Variants in PRKCE observed in about 807,000 individuals in gnomAD.
PRKCE encodes protein kinase C epsilon type.
In PRKCE, 16 loss-of-function variants were observed where a neutral mutation model predicts 85.4. The observed-to-expected ratio is 0.19, with a 90% CI of 0.13 to 0.28. The LOEUF is 0.28. Ranked by LOEUF, PRKCE falls within the 10% of genes least tolerant of loss-of-function variation. PRKCE has a pLI of 1.00. For synonymous variants in PRKCE, 388 were observed against 371.5 expected (o/e 1.04, Z -0.51); for missense variants, 573 against 975.2 (o/e 0.59, Z 5.49).
chr2:45,778,747 C>A lies in PRKCE; in HGVS notation c.349-64253C>A, dbSNP rs373010640. ...TGTATGTTCCCGGCTGATGGCCCTC[C>A]CCTCTATTTGCATAACAGCAGGTAA... On this transcript the variant is annotated intron_variant, in intron 1 of 14. Transcript: ENST00000306156. Among the ~76,000 whole-genome samples the A allele has an allele frequency of 2.4e-4, 37 of 152,298 alleles. No individual in the cohort carries two copies. In the East Asian group the frequency reaches 3.7e-3, roughly 15 times the overall value.
chr2:46,034,642 C>T (rs964644348), intron 10 of PRKCE, among the ~76,000 whole-genome samples: 10 of 152,170 alleles, frequency 6.6e-5, no homozygotes, highest in African/African-American at 1.4e-4. Context: ...GGGAGCACGC[C>T]GAGGCCATGG....
intron 2 of PRKCE, among the ~76,000 whole-genome samples, chr2:45,887,155 G>C (rs1046030655): frequency 6.6e-6 from 1 of 152,164 alleles, no homozygotes; most frequent in East Asian, 1.9e-4. Context: ...TGCTTGATAG[G>C]CAGGGCCTCC....
At chr2:45,762,958 T>C (rs1194096681) in intron 1 of PRKCE, among the ~76,000 whole-genome samples, 6 of 32,030 alleles carry the variant, frequency 1.9e-4, no homozygotes, top group Non-Finnish European at 5.0e-4. Context: ...CTTTTCTTCT[T>C]TTTTTTTTTT....
At chr2:45,851,371 G>A (rs944608983) in intron 2 of PRKCE, among the ~76,000 whole-genome samples, 1 of 152,164 alleles carries the variant, frequency 6.6e-6, no homozygotes, top group Non-Finnish European at 1.5e-5. Context: ...AGAACTGGGG[G>A]CACAGAAGTG....
In PRKCE at chr2:46,184,588, T is replaced by A. The variant is rs530833612; in HGVS notation, c.2068-147T>A. 22 of 1,007,028 alleles carry A rather than the reference T, an allele frequency of 2.2e-5. No individual in the cohort carries two copies. In the African/African-American group the frequency reaches 3.4e-4, roughly 15 times the overall value. The allele number at this position is 1,007,028 out of a possible 1,614,324, so 62.4% of individuals were successfully genotyped here. The stretch of plus-strand genomic sequence containing the variant: ...GGTCCTGGGGCCATCCATCGTTACC[T>A]CATCGGGACAGCCCCGTGTCTGCTG... On this transcript the variant is annotated intron_variant, in intron 14 of 14. Transcript: ENST00000306156. This position sits in a 1 kb window ranked among gnomAD's most constrained non-coding sequence, Gnocchi z 5.0.
chr2:46,091,727 G>T (rs1003829818), intron 11 of PRKCE, among the ~76,000 whole-genome samples: 6 of 152,122 alleles, frequency 3.9e-5, no homozygotes, highest in Non-Finnish European at 8.8e-5. Context: ...AATACCACCT[G>T]CCACAGAGTA....
intron 11 of PRKCE, among the ~76,000 whole-genome samples, chr2:46,086,729 C>T (rs1471609781): frequency 1.3e-5 from 2 of 152,172 alleles, no homozygotes; most frequent in African/African-American, 4.8e-5. Flanking sequence ...CATGAACTTC[C>T]TCCCCTTCCT....
At chr2:45,805,593 C>T (rs2105221146) in intron 1 of PRKCE, among the ~76,000 whole-genome samples, 1 of 137,486 alleles carries the variant, frequency 7.3e-6, no homozygotes, top group South Asian at 2.5e-4. Context: ...ACATTACCTT[C>T]CTCTTTTTTT....
At chr2:45,687,538 G>A (rs928544588) in intron 1 of PRKCE, among the ~76,000 whole-genome samples, 1 of 152,200 alleles carries the variant, frequency 6.6e-6, no homozygotes, top group Admixed American at 6.5e-5. Context: ...ACATACCCAT[G>A]AACTCAGTAA....
At position 45,827,285 on chromosome 2, in the gene PRKCE, G is replaced by A. The variant is rs541089198; in HGVS notation, c.349-15715G>A. On this transcript the variant is annotated intron_variant, in intron 1 of 14. Coordinates refer to ENST00000306156, the MANE Select transcript of PRKCE (RefSeq NM_005400.3). ...GGATCAAAGATGATACAATTCTTAC[G>A]TGTGTTTGACCAAAATATCATATGG... Among the ~76,000 whole-genome samples the A allele has an allele frequency of 1.4e-4, 22 of 152,298 alleles. No homozygotes were observed. In the South Asian group the frequency reaches 1.7e-3, roughly 11 times the overall value.
chr2:46,085,844 C>T (rs1486316370), intron 10 of PRKCE, among the ~76,000 whole-genome samples: 6 of 149,286 alleles, frequency 4.0e-5, no homozygotes, highest in African/African-American at 1.5e-4. Flanking sequence ...ATTGTTCAAC[C>T]TACCACACAT....
chr2:45,888,653 T>A (rs1695482783), intron 2 of PRKCE, among the ~76,000 whole-genome samples: 1 of 152,056 alleles, frequency 6.6e-6, no homozygotes, highest in African/African-American at 2.4e-5. Context: ...GGTTTCACCA[T>A]GTTGGCCAGG....
At chr2:45,985,078 A>C (rs1401107471) in intron 6 of PRKCE, among the ~76,000 whole-genome samples, 2 of 152,224 alleles carry the variant, frequency 1.3e-5, no homozygotes. Context: ...TCCATGGCTC[A>C]GTGCTTACTC....
intron 1 of PRKCE, among the ~76,000 whole-genome samples, chr2:45,835,377 G>C (rs1351072015): frequency 6.6e-6 from 1 of 152,152 alleles, no homozygotes; most frequent in East Asian, 1.9e-4. Flanking sequence ...CCACAATCAG[G>C]ATAGAGAAAA....
At chr2:45,865,205 T>G (rs115702873) in intron 2 of PRKCE, among the ~76,000 whole-genome samples, 2,612 of 152,314 alleles carry the variant, frequency 0.017, 33 homozygotes, top group Non-Finnish European at 0.025. Context: ...ACAGGCTTTA[T>G]GTAGAAAGAC....
intron 2 of PRKCE, among the ~76,000 whole-genome samples, chr2:45,952,908 A>C (rs1195437390): frequency 6.6e-6 from 1 of 152,234 alleles, no homozygotes; most frequent in African/African-American, 2.4e-5. Flanking sequence ...ACAGCAGCCA[A>C]ATAAAACTAT....
At position 46,010,858 on chromosome 2, in the gene PRKCE, C is replaced by A. The variant is rs1483134616; in HGVS notation, c.1437+341C>A. ...CCTAACTTTCTATCACTAATCAAAT[C>A]ACTTAACTTCTAAGTTATTTTCATG... On this transcript the variant is annotated intron_variant, in intron 10 of 14. Coordinates refer to ENST00000306156, the MANE Select transcript of PRKCE (RefSeq NM_005400.3). The A allele has an allele frequency of 3.3e-6, 5 of 1,518,416 alleles. No individual in the cohort carries two copies. In the Admixed American group the frequency reaches 8.4e-5, roughly 26 times the overall value. 94.1% of individuals were successfully genotyped at this position (1,518,416 alleles called of 1,614,324 possible).
rs1680719603 is a variant in PRKCE, at chr2:45,722,713, C to T, written c.348+70265C>T. 2.0e-5 allele frequency among the ~76,000 whole-genome samples: 3 copies of T among 152,292 alleles called. No individual in the cohort carries two copies. The South Asian group carries it at 6.2e-4, about 32-fold the overall frequency. On this transcript the variant is annotated intron_variant, in intron 1 of 14. Coordinates refer to ENST00000306156, the MANE Select transcript of PRKCE (RefSeq NM_005400.3). ...AGTGGTGACAGATTTGGCCCATTTC[C>T]ACTTGGAGTCCTAATCTCACCTTGT...
intron 2 of PRKCE, among the ~76,000 whole-genome samples, chr2:45,862,017 T>C (rs1693197626): frequency 6.6e-6 from 1 of 152,056 alleles, no homozygotes; most frequent in Admixed American, 6.5e-5. Context: ...CACACAAATT[T>C]ACCTCTGAAA....
Sources: gnomAD v4.1 joint callset for allele counts (sites outside exome capture counted in the v4.1 genomes callset) on GRCh38, gnomAD v4.1.1 for gene constraint, Gnocchi (gnomAD v3.1) non-coding constraint, MANE v1.5 for transcripts, NCBI Gene and HGNC (gene_info 2026-07-23, HGNC 2026-07-21) for gene names.